ADAMTSL1: variants seen among roughly 807,000 people sequenced by gnomAD.
ADAMTSL1 encodes ADAMTS-like protein 1.
In ADAMTSL1, 126 loss-of-function variants were observed where a neutral mutation model predicts 201.8. That is an observed-to-expected ratio of 0.62 (90% CI 0.54 to 0.72). The LOEUF (loss-of-function observed/expected upper bound fraction) is 0.72. Among genes scored for constraint, ADAMTSL1 ranks in the 30% least tolerant of loss-of-function variants. The pLI, the probability that ADAMTSL1 is intolerant of heterozygous loss-of-function variation, is 0.00. For missense variants in ADAMTSL1, 2,679 were observed against 2,277.8 expected (o/e 1.18, Z -3.59); for synonymous variants, 1,121 against 903.4 (o/e 1.24, Z -4.32).
chr9:18,866,232 A>G (rs1827534365), intron 23 of ADAMTSL1, among the ~76,000 whole-genome samples: 1 of 152,038 alleles, frequency 6.6e-6, no homozygotes, highest in Non-Finnish European at 1.5e-5. Context: ...ATGGATAATT[A>G]TTCACTGGGA....
At chr9:18,042,140 A>G (rs1821453325) in intron 1 of ADAMTSL1, among the ~76,000 whole-genome samples, 1 of 151,854 alleles carries the variant, frequency 6.6e-6, no homozygotes, top group Non-Finnish European at 1.5e-5. Flanking sequence ...AGTGGAATTG[A>G]TAATTGATTT....
Position 18,706,756 on chromosome 9 carries a change from A to G in ADAMTSL1, c.1584A>G (p.Pro528=). The G allele has an allele frequency of 6.2e-7, 1 of 1,602,240 alleles. No homozygotes were observed. Among genetic ancestry groups the G allele is most frequent in the Non-Finnish European group, 8.5e-7 (1 of 1,174,024 alleles). The part of the protein sequence containing the change: ...AAVSEEPSFI[P]EAWSACTVTC... ...TGCTTGCCGACTGCAGGTTCATCCC[A>G]GAGGCCTGGTCGGCCTGCACAGTCA... The change falls in exon 14 of 29, where the codon CCA becomes CCG. Residue 528 remains proline, a synonymous_variant. Coordinates refer to ENST00000380548, the MANE Select transcript of ADAMTSL1 (RefSeq NM_001040272.6).
rs576408845 is a variant in ADAMTSL1, at chr9:18,094,461, AT to A, written c.88-69397del. Among the ~76,000 whole-genome samples, 66 of 152,106 alleles carry A rather than the reference AT, an allele frequency of 4.3e-4. 1 individual carries two copies. Among genetic ancestry groups the A allele is most frequent in the African/African-American group, 1.5e-3 (64 of 41,472 alleles). Reference sequence around the variant, plus strand: ...TCCCCCATACACCCTTCACTAATGCATTTTAGGTCTGTCATCCATTGTGTGT... The same window carrying A: ...TCCCCCATACACCCTTCACTAATGCATTTAGGTCTGTCATCCATTGTGTGT... On this transcript the variant is annotated intron_variant, in intron 1 of 29. Transcript: ENST00000680146.
At chr9:18,079,725 AT>A (rs1823401112) in intron 1 of ADAMTSL1, among the ~76,000 whole-genome samples, 1 of 150,086 alleles carries the variant, frequency 6.7e-6, no homozygotes, top group Non-Finnish European at 1.5e-5. Context: ...AAATAAATAA[AT>A]AAAATAAAAA....
intron 1 of ADAMTSL1, among the ~76,000 whole-genome samples, chr9:18,032,230 C>T (rs1586922298): frequency 6.6e-6 from 1 of 152,186 alleles, no homozygotes; most frequent in South Asian, 2.1e-4. Flanking sequence ...AAACCAGCAC[C>T]TCACTCTTCT....
intron 5 of ADAMTSL1, among the ~76,000 whole-genome samples, chr9:18,630,808 G>T (rs1014938946): frequency 3.9e-5 from 6 of 152,128 alleles, no homozygotes; most frequent in African/African-American, 1.2e-4. Context: ...ATTCAGCTCT[G>T]CAATTACATA....
intron 20 of ADAMTSL1, among the ~76,000 whole-genome samples, chr9:18,807,767 T>C (rs1294267255): frequency 6.6e-6 from 1 of 152,152 alleles, no homozygotes; most frequent in East Asian, 1.9e-4. Flanking sequence ...GTTTTTCCTA[T>C]TCTGAAAGCC....
At chr9:18,775,058 TTTA>T (rs916331908) in intron 17 of ADAMTSL1, among the ~76,000 whole-genome samples, 1 of 129,640 alleles carries the variant, frequency 7.7e-6, no homozygotes, top group African/African-American at 2.5e-5. Flanking sequence ...GTCTTTTTTT[TTTA>T]TTATTATTAT....
intron 2 of ADAMTSL1, among the ~76,000 whole-genome samples, chr9:18,275,833 G>A (rs1832566023): frequency 1.3e-5 from 2 of 152,030 alleles, no homozygotes; most frequent in Non-Finnish European, 2.9e-5. Flanking sequence ...TTGTGTGCAG[G>A]TCTTTATGTA....
intron 1 of ADAMTSL1, among the ~76,000 whole-genome samples, chr9:17,982,550 T>C (rs922255866): frequency 1.3e-5 from 2 of 151,982 alleles, no homozygotes; most frequent in Non-Finnish European, 2.9e-5. Flanking sequence ...AGGTGGAAGT[T>C]GCAGTAAGCC....
chr9:18,442,693 A>C (rs753488741), intron 2 of ADAMTSL1, among the ~76,000 whole-genome samples: 6 of 152,244 alleles, frequency 3.9e-5, no homozygotes, highest in Non-Finnish European at 5.9e-5. Context: ...TTTAGCTGCT[A>C]TGATAAGGAG....
intron 2 of ADAMTSL1, among the ~76,000 whole-genome samples, chr9:18,198,047 C>G (rs1411136189): frequency 6.6e-6 from 1 of 152,170 alleles, no homozygotes; most frequent in Non-Finnish European, 1.5e-5. Flanking sequence ...GGAAAACTGG[C>G]TAGCCATATG....
intron 1 of ADAMTSL1, among the ~76,000 whole-genome samples, chr9:18,017,773 C>G (rs1464100044): frequency 6.6e-6 from 1 of 151,910 alleles, no homozygotes; most frequent in Non-Finnish European, 1.5e-5. Flanking sequence ...TTATGTGGTT[C>G]TGTTTCTTTC....
At chr9:18,795,614 T>A in intron 20 of ADAMTSL1, 90 bp downstream of exon 20, 1 of 1,358,470 alleles carries the variant, frequency 7.4e-7, no homozygotes, top group Non-Finnish European at 1.0e-6. Flanking sequence ...GATGCATAGA[T>A]AAAGGAGACC....
chr9:18,535,843 G>T (rs78152435), intron 3 of ADAMTSL1, among the ~76,000 whole-genome samples: 1 of 152,108 alleles, frequency 6.6e-6, no homozygotes, highest in Non-Finnish European at 1.5e-5. Flanking sequence ...AGAATAGCAT[G>T]GGGAAAATTG....
At chr9:18,837,934 C>T (rs1358112972) in intron 23 of ADAMTSL1, among the ~76,000 whole-genome samples, 2 of 152,190 alleles carry the variant, frequency 1.3e-5, no homozygotes, top group African/African-American at 4.8e-5. Context: ...ATCTTTCCTA[C>T]TGTATCTCTG....
chr9:18,476,588 TTAGAAC>T, intron 1 of ADAMTSL1, among the ~76,000 whole-genome samples: 1 of 152,188 alleles, frequency 6.6e-6, no homozygotes, highest in Non-Finnish European at 1.5e-5. Flanking sequence ...TGTACTTGAT[TTAGAAC>T]TAGAAGTGTG....
At chr9:18,822,019 A>C (rs543468679) in intron 21 of ADAMTSL1, among the ~76,000 whole-genome samples, 43 of 152,324 alleles carry the variant, frequency 2.8e-4, no homozygotes, top group African/African-American at 9.9e-4. Context: ...CCTTTCAAGC[A>C]GCAGGGAGAG....
chr9:18,798,632 A>G (rs1202883277), intron 20 of ADAMTSL1, among the ~76,000 whole-genome samples: 1 of 152,194 alleles, frequency 6.6e-6, no homozygotes, highest in Non-Finnish European at 1.5e-5. Context: ...TAGATTAGCC[A>G]TCTGGAAAGT....
Sources: allele counts gnomAD v4.1 joint callset (sites outside exome capture counted in the v4.1 genomes callset), GRCh38; gene constraint gnomAD v4.1.1; transcripts MANE v1.5; gene names NCBI Gene and HGNC (gene_info 2026-07-23, HGNC 2026-07-21).